The following DGKZ variants were observed in gnomAD, a reference collection of about 807,000 sequenced individuals.
The protein encoded by DGKZ is diacylglycerol kinase zeta.
In DGKZ, 45 loss-of-function variants were observed where a neutral mutation model predicts 142.5. That is an observed-to-expected ratio of 0.32 (90% CI 0.25 to 0.40). The LOEUF is 0.40. Ranked by LOEUF, DGKZ falls within the 10% of genes least tolerant of loss-of-function variation. DGKZ has a pLI of 1.00. For synonymous variants in DGKZ, 442 were observed against 527.0 expected (o/e 0.84, Z 2.21); for missense variants, 755 against 1,306.5 (o/e 0.58, Z 6.51).
At chr11:46,352,337 G>A (rs1175486897) in intron 1 of DGKZ, among the ~76,000 whole-genome samples, 1 of 152,214 alleles carries the variant, frequency 6.6e-6, no homozygotes. Context: ...GAGGCCGGTG[G>A]GCGAGGAGCT....
chr11:46,366,880 C>A, intron 1 of DGKZ: 1 of 1,548,768 alleles, frequency 6.5e-7, no homozygotes, highest in South Asian at 1.2e-5. Flanking sequence ...CAGGCACCAC[C>A]GCCGGCACCA....
At chr11:46,366,218 A>C in intron 1 of DGKZ, 1 of 1,526,788 alleles carries the variant, frequency 6.5e-7, no homozygotes, top group Non-Finnish European at 8.7e-7. Flanking sequence ...CCAGCTCCTG[A>C]TGCTCCCGGT....
At chr11:46,378,408 C>G in intron 26 of DGKZ, 49 bp from the exon 27 acceptor site, 3 of 1,562,652 alleles carry the variant, frequency 1.9e-6, no homozygotes, top group Non-Finnish European at 2.6e-6. Context: ...AGGCACCAAC[C>G]CAAGCCCAGG....
chr11:46,367,765 C>T lies in DGKZ; in HGVS notation c.366+18C>T. ...GGATGCTGGTGAGTGCTCGTAGGGG[C>T]ACGCCGCCCCCTGCTGGTGGAGCCA... On this transcript the variant is annotated intron_variant, in intron 3 of 30. Coordinates refer to ENST00000527911, the Ensembl canonical transcript of DGKZ. The surrounding 1 kb of genome is among the most constrained non-coding windows in gnomAD (Gnocchi z 4.1). The T allele has an allele frequency of 1.2e-6, 2 of 1,612,400 alleles. No homozygotes were observed. The highest frequency in any genetic ancestry group is 1.7e-6 in the Non-Finnish European group (2 of 1,179,400).
At chr11:46,377,244 T>G in intron 25 of DGKZ, 32 bp downstream of exon 25, 2 of 1,540,328 alleles carry the variant, frequency 1.3e-6, no homozygotes, top group South Asian at 1.3e-5. Flanking sequence ...CTCCAGCCCC[T>G]GGCTTTCAGC....
intron 1 of DGKZ, among the ~76,000 whole-genome samples, chr11:46,360,071 T>C (rs1469406282): frequency 6.6e-6 from 1 of 152,198 alleles, no homozygotes; most frequent in Non-Finnish European, 1.5e-5. Context: ...GAGGCAGAAT[T>C]TTCTTCATAT....
At chr11:46,345,529 G>A, upstream of DGKZ, 1 of 1,525,820 alleles carries the variant, frequency 6.6e-7, no homozygotes, top group East Asian at 2.7e-5. This position sits in a 1 kb window ranked among gnomAD's most constrained non-coding sequence, Gnocchi z 4.1. Flanking sequence ...TGAGGCAGAT[G>A]TGGCGCTACC....
intron 9 of DGKZ, 140 bp from the exon 10 acceptor site, chr11:46,371,935 C>T: frequency 8.1e-7 from 1 of 1,231,038 alleles, no homozygotes; most frequent in Non-Finnish European, 1.2e-6. Context: ...AGTTTCTGCT[C>T]TGTGGCCTGG....
At chr11:46,342,413 C>A (rs1484411258) in intron 1 of DGKZ, among the ~76,000 whole-genome samples, 1 of 152,220 alleles carries the variant, frequency 6.6e-6, no homozygotes, top group African/African-American at 2.4e-5. Context: ...CCATTTCCTG[C>A]TCTCTGCAGC....
chr11:46,333,306 C>T, exon 1 of DGKZ: 2 of 1,294,328 alleles, frequency 1.5e-6, no homozygotes, highest in Non-Finnish European at 1.9e-6. Flanking sequence ...CGGAGGGCAG[C>T]GCTGGGACTG....
chr11:46,377,419 C>T (rs1022554041), intron 25 of DGKZ: 12 of 955,962 alleles, frequency 1.3e-5, no homozygotes, highest in Non-Finnish European at 1.8e-5. Context: ...CCTGACTTCT[C>T]CCTCCTCTGG....
chr11:46,360,991 A>G (rs1046086760), intron 1 of DGKZ, among the ~76,000 whole-genome samples: 6 of 152,264 alleles, frequency 3.9e-5, no homozygotes, highest in South Asian at 2.1e-4. Flanking sequence ...AGCTCAACCA[A>G]ATCGGAGTTG....
In DGKZ at chr11:46,372,413, C is replaced by T. The variant is rs1944051558; in HGVS notation, c.928-15C>T. 1.9e-6 allele frequency: 3 copies of T among 1,613,808 alleles called. No homozygotes were observed. Among genetic ancestry groups the T allele is most frequent in the East Asian group, 4.5e-5 (2 of 44,878 alleles). ...ACCACTGCCTGACTGTCTCTTGGCTCCCCATCCCATCCAGGGTGCAAAGAT... is the reference window on the plus strand; with the variant it reads ...ACCACTGCCTGACTGTCTCTTGGCTTCCCATCCCATCCAGGGTGCAAAGAT... On this transcript the variant is annotated splice_polypyrimidine_tract_variant and intron_variant, in intron 10 of 30. Coordinates refer to ENST00000527911, the Ensembl canonical transcript of DGKZ. The surrounding 1 kb of genome is among the most constrained non-coding windows in gnomAD (Gnocchi z 5.9).
At chr11:46,364,511 T>C in intron 1 of DGKZ, 1 of 1,216,266 alleles carries the variant, frequency 8.2e-7, no homozygotes, top group East Asian at 5.7e-5. Flanking sequence ...ATAAGAGCAC[T>C]GCCCTGACCT....
At chr11:46,337,684 C>T (rs1414831743) in intron 1 of DGKZ, among the ~76,000 whole-genome samples, 2 of 152,084 alleles carry the variant, frequency 1.3e-5, no homozygotes, top group Middle Eastern at 6.3e-3. Context: ...AAAACCTCTC[C>T]CAGGTAATTT....
chr11:46,361,456 C>G (rs937881610), intron 1 of DGKZ: 1 of 194,570 alleles, frequency 5.1e-6, no homozygotes, highest in African/African-American at 2.4e-5. Context: ...TCCGCCCACC[C>G]GTCGCCTGCT....
At chr11:46,362,552 C>G (rs1189663525) in intron 1 of DGKZ, among the ~76,000 whole-genome samples, 3 of 145,698 alleles carry the variant, frequency 2.1e-5, no homozygotes, top group Non-Finnish European at 4.7e-5. Flanking sequence ...TCACCAGGCA[C>G]TCTCTCTCTG....
intron 1 of DGKZ, among the ~76,000 whole-genome samples, chr11:46,354,815 AT>A (rs1941813541): frequency 6.6e-6 from 1 of 152,244 alleles, no homozygotes; most frequent in Admixed American, 6.5e-5. Flanking sequence ...CATATTCTGC[AT>A]TTAGGTTTTT....
chr11:46,366,884 G>T, intron 1 of DGKZ: 1 of 1,549,142 alleles, frequency 6.5e-7, no homozygotes. Flanking sequence ...CACCACCGCC[G>T]GCACCATGCT....
Sources: allele counts gnomAD v4.1 joint callset (sites outside exome capture counted in the v4.1 genomes callset), GRCh38; gene constraint gnomAD v4.1.1; non-coding constraint Gnocchi (gnomAD v3.1); transcripts MANE v1.5; gene names NCBI Gene and HGNC (gene_info 2026-07-23, HGNC 2026-07-21).